CCDC178: variants seen among roughly 807,000 people sequenced by gnomAD.
The protein encoded by CCDC178 is coiled-coil domain-containing protein 178.
In CCDC178, 126 loss-of-function variants were observed where a neutral mutation model predicts 117.4. The ratio of observed to expected loss-of-function variants is 1.07; its 90% CI spans 0.93 to 1.24. The LOEUF (loss-of-function observed/expected upper bound fraction) is 1.24, where lower values mean the gene tolerates loss of function less well. Ranked by LOEUF, CCDC178 falls within the 50% of genes most tolerant of loss-of-function variation. The probability of loss-of-function intolerance (pLI) is 0.00; values close to 1 mark genes in which losing one functional copy is unlikely to be tolerated. For synonymous variants in CCDC178, 283 were observed against 313.4 expected (o/e 0.90, Z 1.02); for missense variants, 1,030 against 986.9 (o/e 1.04, Z -0.59).
At chr18:33,327,277 ACC>A (rs2145026268) in intron 10 of CCDC178, among the ~76,000 whole-genome samples, 1 of 152,194 alleles carries the variant, frequency 6.6e-6, no homozygotes, top group East Asian at 1.9e-4. Context: ...ATGTATCAGT[ACC>A]TCATTTCTTT....
intron 4 of CCDC178, among the ~76,000 whole-genome samples, chr18:33,390,338 TAACA>T (rs1260738149): frequency 6.6e-6 from 1 of 151,994 alleles, no homozygotes; most frequent in Non-Finnish European, 1.5e-5. Context: ...CCTAAGCTTT[TAACA>T]AACAGAAATC....
chr18:33,390,094 A>G (rs1460146790), intron 4 of CCDC178, among the ~76,000 whole-genome samples: 1 of 150,028 alleles, frequency 6.7e-6, no homozygotes, highest in Non-Finnish European at 1.5e-5. Context: ...TAAATCCTAT[A>G]TAAGTTATGT....
chr18:32,962,481 T>C (rs746909674), intron 22 of CCDC178, among the ~76,000 whole-genome samples: 1 of 152,102 alleles, frequency 6.6e-6, no homozygotes, highest in African/African-American at 2.4e-5. Context: ...ATCTAAAATA[T>C]CTTTGTTTTG....
intron 20 of CCDC178, among the ~76,000 whole-genome samples, chr18:33,174,682 G>A (rs1262529433): frequency 6.6e-6 from 1 of 151,874 alleles, no homozygotes; most frequent in African/African-American, 2.4e-5. Flanking sequence ...ATTTTCATTT[G>A]GTTTCATAGT....
intron 20 of CCDC178, among the ~76,000 whole-genome samples, chr18:33,123,758 A>G (rs1009377949): frequency 1.3e-5 from 2 of 152,260 alleles, no homozygotes; most frequent in Non-Finnish European, 2.9e-5. Flanking sequence ...CTTGTTGCCA[A>G]TTTGGGAGCT....
chr18:33,366,438 G>A (rs537556831), intron 6 of CCDC178, among the ~76,000 whole-genome samples: 101 of 152,046 alleles, frequency 6.6e-4, no homozygotes, highest in African/African-American at 2.1e-3. Context: ...ATGAGATAAT[G>A]GGTAATTTAG....
chr18:33,318,545 T>C (rs965436199), intron 11 of CCDC178, among the ~76,000 whole-genome samples: 17 of 152,100 alleles, frequency 1.1e-4, no homozygotes, highest in African/African-American at 4.1e-4. Context: ...GAGTACACAA[T>C]AAGAAAATCT....
chr18:33,161,199 T>C (rs1039544243), intron 20 of CCDC178, among the ~76,000 whole-genome samples: 1 of 152,158 alleles, frequency 6.6e-6, no homozygotes, highest in Admixed American at 6.6e-5. Context: ...AAATTATCTA[T>C]AGACCTTGGA....
At chr18:33,130,583 G>T (rs2058058338) in intron 20 of CCDC178, among the ~76,000 whole-genome samples, 1 of 151,972 alleles carries the variant, frequency 6.6e-6, no homozygotes, top group Admixed American at 6.6e-5. Context: ...CCAAGGTCAT[G>T]TTTAAACACA....
chr18:33,163,867 G>A (rs1425569720), intron 20 of CCDC178, among the ~76,000 whole-genome samples: 1 of 152,010 alleles, frequency 6.6e-6, no homozygotes, highest in Non-Finnish European at 1.5e-5. Context: ...CAATCATATT[G>A]CATAAAATCA....
intron 20 of CCDC178, among the ~76,000 whole-genome samples, chr18:33,117,384 C>A (rs907588939): frequency 6.6e-6 from 1 of 152,050 alleles, no homozygotes; most frequent in Non-Finnish European, 1.5e-5. Context: ...CTTCCACTCA[C>A]CAAAGCTGAC....
At position 32,939,779 on chromosome 18, in the gene CCDC178, C is replaced by T. The variant is rs574805602; in HGVS notation, c.2524-1688G>A. 3.1e-4 allele frequency among the ~76,000 whole-genome samples: 47 copies of T among 152,172 alleles called. 1 individual carries two copies. In the South Asian group the frequency reaches 8.1e-3, roughly 26 times the overall value. On this transcript the variant is annotated intron_variant, in intron 22 of 22. Transcript: ENST00000383096. ...AGATGGATTCAGCATCCATGAGTTC[C>T]GGCTTCAGACACCTGTCAGTAATCA...
At chr18:33,183,684 C>A (rs764994374) in intron 20 of CCDC178, among the ~76,000 whole-genome samples, 2 of 151,976 alleles carry the variant, frequency 1.3e-5, no homozygotes, top group Non-Finnish European at 2.9e-5. Context: ...CTGACACTGG[C>A]GCTATTGGGT....
At chr18:33,189,428 C>A (rs566813252) in intron 20 of CCDC178, among the ~76,000 whole-genome samples, 3 of 152,150 alleles carry the variant, frequency 2.0e-5, no homozygotes, top group Non-Finnish European at 2.9e-5. Context: ...TATATGTATT[C>A]ATATTTATAT....
chr18:33,278,399 G>A (rs1157641413), intron 12 of CCDC178, among the ~76,000 whole-genome samples: 4 of 151,028 alleles, frequency 2.6e-5, no homozygotes, highest in Non-Finnish European at 5.9e-5. Flanking sequence ...AAATAGTTGA[G>A]GAGTAACACC....
At chr18:33,315,022 C>T (rs1006214921) in intron 11 of CCDC178, among the ~76,000 whole-genome samples, 1 of 152,166 alleles carries the variant, frequency 6.6e-6, no homozygotes, top group Admixed American at 6.5e-5. Context: ...GTCCCCCTCT[C>T]ACCTGAGGAA....
chr18:33,007,234 C>A (rs2055770946), intron 21 of CCDC178, among the ~76,000 whole-genome samples: 2 of 151,842 alleles, frequency 1.3e-5, no homozygotes, highest in Admixed American at 6.6e-5. Context: ...AACAACAAGG[C>A]CTGTGATCAT....
At chr18:33,227,005 C>G (rs2059311022) in intron 15 of CCDC178, 150 bp from the exon 16 acceptor site, 2 of 330,692 alleles carry the variant, frequency 6.0e-6, no homozygotes. Context: ...TTTTAAAATC[C>G]TGGTGTTTTT....
At chr18:33,120,941 T>C (rs554658832) in intron 20 of CCDC178, among the ~76,000 whole-genome samples, 1 of 152,244 alleles carries the variant, frequency 6.6e-6, no homozygotes, top group East Asian at 1.9e-4. Context: ...AGCAGTATCA[T>C]GTTAGGTAAT....
Sources: allele counts gnomAD v4.1 joint callset (sites outside exome capture counted in the v4.1 genomes callset), GRCh38; gene constraint gnomAD v4.1.1; transcripts MANE v1.5; gene names NCBI Gene and HGNC (gene_info 2026-07-23, HGNC 2026-07-21).